Variants in LRRN2 observed in about 807,000 individuals in gnomAD.
LRRN2 encodes the protein leucine rich repeat neuronal 2.
In LRRN2, 10 loss-of-function variants were observed where a neutral mutation model predicts 35.7. The observed-to-expected ratio is 0.28, with a 90% confidence interval of 0.17 to 0.47. LRRN2 has a LOEUF of 0.47. Ranked by LOEUF, LRRN2 falls within the 20% of genes least tolerant of loss-of-function variation. LRRN2 has a pLI of 0.99. For missense variants in LRRN2, 731 were observed against 940.3 expected (o/e 0.78, Z 2.91); for synonymous variants, 391 against 409.6 (o/e 0.95, Z 0.55).
Position 204,632,758 on chromosome 1 carries a change from C to T in LRRN2, c.-226-12540G>A, listed in dbSNP as rs374273224. 1.4e-4 allele frequency among the ~76,000 whole-genome samples: 22 copies of T among 151,964 alleles called. No individual in the cohort carries two copies. The South Asian group carries it at 1.7e-3, about 11-fold the overall frequency. ...CATCCTGACTAACACGGTAAAACCCCGTCTCTACTAAAAATACAAAAAAAA... is the reference window on the plus strand; with the variant it reads ...CATCCTGACTAACACGGTAAAACCCTGTCTCTACTAAAAATACAAAAAAAA... On this transcript the variant is annotated intron_variant, in intron 1 of 1. Transcript: ENST00000367177.
At chr1:204,640,168 T>C (rs1323617657) in intron 1 of LRRN2, among the ~76,000 whole-genome samples, 1 of 152,144 alleles carries the variant, frequency 6.6e-6, no homozygotes, top group Non-Finnish European at 1.5e-5. Flanking sequence ...GCTGGCAGAT[T>C]TGGTGTCTGG....
intron 1 of LRRN2, among the ~76,000 whole-genome samples, chr1:204,638,566 A>G (rs1472802799): frequency 6.6e-6 from 1 of 151,518 alleles, no homozygotes; most frequent in Non-Finnish European, 1.5e-5. Flanking sequence ...ATGTGCCACC[A>G]CACCCGGCTA....
rs1303639529 is a variant in LRRN2, at chr1:204,618,108, G to A, written c.1885C>T (p.Pro629Ser). 1.9e-6 allele frequency: 3 copies of A among 1,614,128 alleles called. No individual in the cohort carries two copies. The highest frequency in any genetic ancestry group is 1.7e-5 in the Admixed American group (1 of 60,030). Residue 629 changes from proline to serine, a missense_variant, in exon 2 of 2, where the codon CCT (proline) becomes TCT (serine). This residue lies in a region of LRRN2 where 229 missense variants were observed against 258.4 expected (regional missense o/e 0.89). Transcript: ENST00000367177. ...TSCHRALGDR[P>S]GLIAILALAV... ...AGAGCCAGGATGGCAATGAGCCCAG[G>A]ACGGTCCCCTAAGGCTCTGTGGCAA...
chr1:204,676,184 G>A (rs191843092), intron 1 of LRRN2, among the ~76,000 whole-genome samples: 354 of 149,838 alleles, frequency 2.4e-3, no homozygotes, highest in African/African-American at 8.4e-3. Context: ...ACCCACCCAT[G>A]CACACTTTAC....
intron 1 of LRRN2, among the ~76,000 whole-genome samples, chr1:204,670,240 G>A (rs1188329675): frequency 6.6e-6 from 1 of 152,156 alleles, no homozygotes; most frequent in Non-Finnish European, 1.5e-5. Context: ...TGGGCTGGAT[G>A]TAAGGCGGTA....
chr1:204,628,816 A>C (rs1304441856), intron 1 of LRRN2: 3 of 152,338 alleles, frequency 2.0e-5, no homozygotes, highest in Non-Finnish European at 4.4e-5. Context: ...CTCTCACCCA[A>C]TAAACAACTC....
intron 1 of LRRN2, among the ~76,000 whole-genome samples, chr1:204,684,478 T>A (rs1417036674): frequency 1.3e-5 from 2 of 152,196 alleles, no homozygotes; most frequent in African/African-American, 4.8e-5. Flanking sequence ...CCGGGTCTCC[T>A]GCACCTCTTT....
intron 1 of LRRN2, among the ~76,000 whole-genome samples, chr1:204,635,335 T>A (rs1667807764): frequency 6.6e-6 from 1 of 152,090 alleles, no homozygotes; most frequent in African/African-American, 2.4e-5. Flanking sequence ...ATAAATATTT[T>A]AAATGTAATG....
intron 1 of LRRN2, among the ~76,000 whole-genome samples, chr1:204,645,111 C>T (rs1031346341): frequency 2.0e-5 from 3 of 152,202 alleles, no homozygotes; most frequent in Non-Finnish European, 4.4e-5. Context: ...GAAGGGAATT[C>T]ACAGTCATGA....
intron 1 of LRRN2, among the ~76,000 whole-genome samples, chr1:204,624,953 G>C (rs1452359788): frequency 6.6e-6 from 1 of 152,234 alleles, no homozygotes; most frequent in Non-Finnish European, 1.5e-5. Flanking sequence ...GGATGCTGAG[G>C]GTGAGGAAGG....
chr1:204,653,372 A>G (rs1435333817), intron 1 of LRRN2, among the ~76,000 whole-genome samples: 2 of 152,154 alleles, frequency 1.3e-5, no homozygotes, highest in Non-Finnish European at 2.9e-5. Flanking sequence ...CTTGATCTCT[A>G]ATCAATTTCT....
rs1159727675 is a variant in LRRN2, at chr1:204,620,137, T to TGCCCTCCTCAATATGCCTTCTC, written c.-167_-146dup. 1.4e-6 allele frequency: 2 copies of TGCCCTCCTCAATATGCCTTCTC among 1,460,394 alleles called. No homozygotes were observed. Among genetic ancestry groups the TGCCCTCCTCAATATGCCTTCTC allele is most frequent in the Non-Finnish European group, 1.8e-6 (2 of 1,105,020 alleles). The allele number at this position is 1,460,394 out of a possible 1,614,324, so 90.5% of individuals were successfully genotyped here. Reference sequence around the variant, plus strand: ...TCATTCTACACCGGGCGTCACTTCTTGCCCTCCTCAATATGCCTTCTCTTC... The same window carrying TGCCCTCCTCAATATGCCTTCTC: ...TCATTCTACACCGGGCGTCACTTCTTGCCCTCCTCAATATGCCTTCTCGCCCTCCTCAATATGCCTTCTCTTC... On this transcript the variant is annotated 5_prime_UTR_variant, in exon 2 of 2. An upstream open reading frame in the 5' UTR loses its in-frame stop. Coordinates refer to ENST00000367177, the MANE Select transcript of LRRN2 (RefSeq NM_201630.2).
chr1:204,632,049 T>C (rs888229573), intron 1 of LRRN2, among the ~76,000 whole-genome samples: 1 of 150,962 alleles, frequency 6.6e-6, no homozygotes, highest in Admixed American at 6.6e-5. Flanking sequence ...AGTGAAACCC[T>C]GTCTCTACCA....
intron 1 of LRRN2, among the ~76,000 whole-genome samples, chr1:204,641,005 G>GAAAA (rs58950375): frequency 8.5e-5 from 12 of 141,984 alleles, no homozygotes; most frequent in Non-Finnish European, 1.7e-4. Context: ...GGTTAAAAAA[G>GAAAA]AAAAAAAAAA....
chr1:204,659,008 C>T (rs939063169), intron 1 of LRRN2, among the ~76,000 whole-genome samples: 6 of 152,230 alleles, frequency 3.9e-5, no homozygotes, highest in African/African-American at 1.4e-4. Context: ...TTATGACCAA[C>T]CTCAGTCTGA....
At chr1:204,638,128 G>A (rs1179189293) in intron 1 of LRRN2, among the ~76,000 whole-genome samples, 1 of 137,232 alleles carries the variant, frequency 7.3e-6, no homozygotes, top group Non-Finnish European at 1.5e-5. Context: ...CGAACATCAG[G>A]CCTTGGCATG....
chr1:204,625,929 C>T (rs922870607), intron 1 of LRRN2, among the ~76,000 whole-genome samples: 56 of 152,344 alleles, frequency 3.7e-4, no homozygotes, highest in African/African-American at 1.3e-3. Context: ...GGCCAGCATC[C>T]TCATGGCCTG....
intron 1 of LRRN2, among the ~76,000 whole-genome samples, chr1:204,650,192 T>C (rs1395525483): frequency 1.3e-5 from 2 of 152,050 alleles, no homozygotes; most frequent in African/African-American, 4.8e-5. Flanking sequence ...CTAGGGGCAG[T>C]GGGAGGGGAG....
At chr1:204,636,522 G>A (rs1451174872) in intron 1 of LRRN2, among the ~76,000 whole-genome samples, 1 of 152,212 alleles carries the variant, frequency 6.6e-6, no homozygotes, top group Non-Finnish European at 1.5e-5. Flanking sequence ...GTTTGCTTGA[G>A]CCCAGGAGTT....
Sources: gnomAD v4.1 joint callset for allele counts (sites outside exome capture counted in the v4.1 genomes callset) on GRCh38, gnomAD v4.1.1 for gene constraint, gnomAD v4.1.1 regional missense constraint, MANE v1.5 for transcripts, NCBI Gene and HGNC (gene_info 2026-07-23, HGNC 2026-07-21) for gene names.